The following DMD variants were observed in gnomAD, a reference collection of about 807,000 sequenced individuals.
DMD encodes the protein mutant dystrophin.
DMD carries 63 observed loss-of-function variants against 330.1 expected under a neutral mutation model. The ratio of observed to expected loss-of-function variants is 0.19; its 90% confidence interval spans 0.16 to 0.24. The LOEUF is 0.24. DMD is among the 10% of genes least tolerant of loss of function. DMD has a pLI of 1.00. For synonymous variants in DMD, 1,223 were observed against 959.8 expected (o/e 1.27, Z -5.07); for missense variants, 3,344 against 2,684.1 (o/e 1.25, Z -5.43).
At chrX:32,227,780 T>C (rs1461876293) in intron 43 of DMD, among the ~76,000 whole-genome samples, 1 of 111,560 alleles carries the variant, frequency 9.0e-6, no homozygotes, top group Non-Finnish European at 1.9e-5. Context: ...CAATTCAGGT[T>C]ATCACTAAGA....
chrX:33,147,066 C>A (rs193057440), intron 1 of DMD, among the ~76,000 whole-genome samples: 1,924 of 111,085 alleles, frequency 0.017, 52 homozygotes, highest in African/African-American at 0.06. Context: ...TTGTGATCCA[C>A]CCGCCTCAGC....
intron 50 of DMD, among the ~76,000 whole-genome samples, chrX:31,793,319 G>A (rs924990480): frequency 1.8e-5 from 2 of 110,642 alleles, no homozygotes; most frequent in Admixed American, 9.6e-5. Context: ...TGGGGTTTTC[G>A]CTGGGGACCA....
At chrX:31,869,514 C>T (rs999843304) in intron 48 of DMD, among the ~76,000 whole-genome samples, 7 of 106,700 alleles carry the variant, frequency 6.6e-5, no homozygotes, top group Non-Finnish European at 1.3e-4. Flanking sequence ...AATCTGGCTG[C>T]GATTCTCCAA....
intron 45 of DMD, among the ~76,000 whole-genome samples, chrX:31,943,072 A>G (rs2095028771): frequency 8.9e-6 from 1 of 112,481 alleles, no homozygotes; most frequent in Admixed American, 9.4e-5. Context: ...TTTTACTGGA[A>G]CAGAGCTACA....
chrX:31,922,544 G>C (rs984660605), intron 47 of DMD, among the ~76,000 whole-genome samples: 1 of 109,739 alleles, frequency 9.1e-6, no homozygotes, highest in South Asian at 4.0e-4. Flanking sequence ...GTGCGCTAGG[G>C]GGGTGCAGAG....
chrX:31,880,748 A>G (rs764202051), intron 47 of DMD, among the ~76,000 whole-genome samples: 2 of 112,296 alleles, frequency 1.8e-5, no homozygotes, highest in Admixed American at 1.9e-4. Context: ...AGTGCAATGA[A>G]TTACTCTCAC....
chrX:32,557,467 A>G (rs1477401241), intron 16 of DMD, among the ~76,000 whole-genome samples: 3 of 112,070 alleles, frequency 2.7e-5, no homozygotes, highest in Admixed American at 9.5e-5. Flanking sequence ...ACACACACAC[A>G]ATCAGGTTGA....
Position 32,343,277 on chromosome X carries a change from A to T in DMD, c.5596T>A (p.Ser1866Thr). 8.3e-7 allele frequency: 1 copy of T among 1,203,122 alleles called. No homozygotes were observed. Among genetic ancestry groups the T allele is most frequent in the Non-Finnish European group, 1.1e-6 (1 of 889,714 alleles). ...TCTAGAGCCTTTTTTCTTCTTTGAG[A>T]CCTCAAATCCTGTTCATGGTGCAGA... The part of the protein sequence containing the change: ...TKHNALKDLR[S>T]QRRKKALEIS... The change falls in exon 40 of 79, where the codon TCT (serine) becomes ACT (threonine). Residue 1866 changes from serine to threonine, a missense_variant. By Grantham distance (58) the Ser-to-Thr change is moderately conservative. Transcript: ENST00000357033.
At chrX:31,929,101 A>G (rs1461893524) in intron 47 of DMD, among the ~76,000 whole-genome samples, 1 of 112,263 alleles carries the variant, frequency 8.9e-6, no homozygotes, top group East Asian at 2.8e-4. Context: ...TTTATATAGT[A>G]TGCAAGGTGG....
intron 22 of DMD, among the ~76,000 whole-genome samples, chrX:32,471,056 C>A (rs916638310): frequency 9.0e-6 from 1 of 111,317 alleles, no homozygotes; most frequent in Non-Finnish European, 1.9e-5. Context: ...GCAGGCAGAT[C>A]ATCTGAGGTC....
At chrX:32,679,901 A>ATTTTTT (rs1569447513) in intron 9 of DMD, among the ~76,000 whole-genome samples, 7 of 30,948 alleles carry the variant, frequency 2.3e-4, no homozygotes, top group African/African-American at 9.2e-4. Context: ...TAATATTTGT[A>ATTTTTT]CTTTTTTTTT....
chrX:32,426,663 G>A (rs953517902), intron 29 of DMD, among the ~76,000 whole-genome samples: 1 of 111,454 alleles, frequency 9.0e-6, no homozygotes, highest in African/African-American at 3.3e-5. Context: ...GCACACATAT[G>A]TTCATTGCAA....
chrX:32,828,750 C>A (rs996251862), intron 4 of DMD, among the ~76,000 whole-genome samples: 3 of 110,580 alleles, frequency 2.7e-5, no homozygotes, highest in Non-Finnish European at 5.7e-5. Flanking sequence ...CATATTTTAA[C>A]CAGAATGTAT....
At chrX:32,983,560 CACACACACACACACAT>C (rs59988462) in intron 2 of DMD, among the ~76,000 whole-genome samples, 6,810 of 91,289 alleles carry the variant, frequency 0.075, 404 homozygotes, top group African/African-American at 0.3. Context: ...CACACACACA[CACACACACACACACAT>C]ATAGGAACAC....
chrX:31,510,506 CTTTT>C (rs756448666), intron 55 of DMD, among the ~76,000 whole-genome samples: 10 of 84,536 alleles, frequency 1.2e-4, no homozygotes, highest in Non-Finnish European at 2.2e-4. Flanking sequence ...TCTGACTGCT[CTTTT>C]TTTTTTTTTT....
At chrX:31,715,266 C>T (rs2084944753) in intron 52 of DMD, among the ~76,000 whole-genome samples, 2 of 108,577 alleles carry the variant, frequency 1.8e-5, no homozygotes, top group Admixed American at 2.0e-4. Context: ...AAGAGCTGGC[C>T]GGGCGCGGTG....
chrX:32,934,587 C>T (rs2089847455), intron 2 of DMD, among the ~76,000 whole-genome samples: 1 of 111,355 alleles, frequency 9.0e-6, no homozygotes, highest in African/African-American at 3.3e-5. Context: ...CCAATTTTTC[C>T]CCAATTTTTA....
chrX:32,029,213 A>C (rs2095867448), intron 44 of DMD, among the ~76,000 whole-genome samples: 1 of 111,575 alleles, frequency 9.0e-6, no homozygotes, highest in African/African-American at 3.3e-5. Flanking sequence ...CCAAGTACCA[A>C]TCTAGAGATT....
At position 32,318,266 on chromosome X, in the gene DMD, T is replaced by C. The variant is rs150227220; in HGVS notation, c.5923-7990A>G. Among the ~76,000 whole-genome samples, 433 of 111,441 alleles carry C rather than the reference T, an allele frequency of 3.9e-3. 2 individuals are homozygous for C. The highest frequency in any genetic ancestry group is 0.013 in the African/African-American group (404 of 30,794). ...ACAATTATAATAGGCATTGTAAGCA[T>C]AAAAATGCAAATCACAAACAAATTA... On this transcript the variant is annotated intron_variant, in intron 41 of 78. Coordinates refer to ENST00000357033, the MANE Select transcript of DMD (RefSeq NM_004006.3).
Sources: allele counts gnomAD v4.1 joint callset (sites outside exome capture counted in the v4.1 genomes callset), GRCh38; gene constraint gnomAD v4.1.1; transcripts MANE v1.5; gene names NCBI Gene and HGNC (gene_info 2026-07-23, HGNC 2026-07-21).